RRBP1: variants seen among roughly 807,000 people sequenced by gnomAD.
The protein encoded by RRBP1 is ribosome binding protein 1.
A neutral mutation model predicts 165.2 loss-of-function variants in RRBP1; 94 were observed. That is an observed-to-expected ratio of 0.57 (90% CI 0.48 to 0.68). The LOEUF (loss-of-function observed/expected upper bound fraction) is 0.68, where lower values mean the gene tolerates loss of function less well. Ranked by LOEUF, RRBP1 falls within the 30% of genes least tolerant of loss-of-function variation. The probability of loss-of-function intolerance (pLI) is 0.00; values close to 1 mark genes in which losing one functional copy is unlikely to be tolerated. For missense variants in RRBP1, 1,676 were observed against 1,763.0 expected, an observed-to-expected ratio of 0.95 and a Z score of 0.88; for synonymous variants, 680 against 714.5, an observed-to-expected ratio of 0.95 and a Z score of 0.77.
chr20:17,654,207 G>A lies in RRBP1; in HGVS notation c.1912+4389C>T, dbSNP rs2036607965. 1.3e-5 allele frequency among the ~76,000 whole-genome samples: 2 copies of A among 152,194 alleles called. 1 individual carries two copies. Among genetic ancestry groups the A allele is most frequent in the Admixed American group, 1.3e-4 (2 of 15,288 alleles). On this transcript the variant is annotated intron_variant, in intron 3 of 24. Transcript: ENST00000377813. ...CCCTTCACAGTCTCCCTGTAGGAGA[G>A]CCTTTGTCATTCCAGGACTCAAATG... is the stretch of plus-strand genomic sequence containing the variant.
At chr20:17,649,654 G>A (rs997297922) in intron 3 of RRBP1, among the ~76,000 whole-genome samples, 2 of 152,058 alleles carry the variant, frequency 1.3e-5, no homozygotes, top group Admixed American at 6.6e-5. Context: ...TTGTTTAAGG[G>A]CCCTGCTACC....
intron 3 of RRBP1, among the ~76,000 whole-genome samples, chr20:17,650,118 G>C (rs2036529165): frequency 6.6e-6 from 1 of 151,732 alleles, no homozygotes; most frequent in Non-Finnish European, 1.5e-5. Context: ...ATGAGGGCCT[G>C]TTTATTTGAC....
At chr20:17,640,795 C>T (rs1600749233) in intron 5 of RRBP1, among the ~76,000 whole-genome samples, 1 of 152,190 alleles carries the variant, frequency 6.6e-6, no homozygotes, top group East Asian at 1.9e-4. Flanking sequence ...GTGAACTTCC[C>T]ATCTGGCTCA....
At chr20:17,626,139 T>A (rs1402587726) in intron 11 of RRBP1, among the ~76,000 whole-genome samples, 1 of 152,170 alleles carries the variant, frequency 6.6e-6, no homozygotes, top group Non-Finnish European at 1.5e-5. Flanking sequence ...CACATAACTT[T>A]CAGATCAACT....
At position 17,658,634 on chromosome 20, in the gene RRBP1, G is replaced by A; in HGVS notation, c.1874C>T (p.Ala625Val). 2 of 1,609,702 alleles carry A rather than the reference G, an allele frequency of 1.2e-6. No individual in the cohort carries two copies. Among genetic ancestry groups the A allele is most frequent in the South Asian group, 1.1e-5 (1 of 90,634 alleles). ...TTTCTTTGAACCAGACTTCTTCTTGGCAGGAGCCTCTTGCTTTGGTGCCTC... is the reference window on the plus strand; with the variant it reads ...TTTCTTTGAACCAGACTTCTTCTTGACAGGAGCCTCTTGCTTTGGTGCCTC... ...SPEAPKQEAP[A>V]KKKSGSKKKG... Residue 625 changes from alanine to valine, a missense_variant, in exon 3 of 25, where the codon GCC (alanine) becomes GTC (valine). By Grantham distance (64) the Ala-to-Val change is moderately conservative. Transcript: ENST00000377813.
intron 2 of RRBP1, 33 bp from the exon 3 acceptor site, chr20:17,660,561 GA>G (rs2036747288): frequency 8.3e-6 from 11 of 1,331,980 alleles, no homozygotes; most frequent in Non-Finnish European, 1.1e-5. Context: ...ACTATTTATA[GA>G]AATCAAGGCC....
At chr20:17,619,066 G>A (rs184128633) in intron 19 of RRBP1, 42 of 203,536 alleles carry the variant, frequency 2.1e-4, no homozygotes, top group Middle Eastern at 4.1e-3. Context: ...GGGAACGGAG[G>A]TGCCCACCAG....
Position 17,641,701 on chromosome 20 carries a change from C to T in RRBP1, c.2184+96G>A, listed in dbSNP as rs893443762. 8 of 1,466,134 alleles carry T rather than the reference C, an allele frequency of 5.5e-6. No homozygotes were observed. In the African/African-American group the frequency reaches 6.9e-5, roughly 13 times the overall value. 90.8% of individuals were successfully genotyped at this position (1,466,134 alleles called of 1,614,324 possible). A position where few individuals can be genotyped will look rare whatever the true frequency, so the allele number is the denominator to read the frequency against. On this transcript the variant is annotated intron_variant, in intron 5 of 24. Transcript: ENST00000377813. The stretch of plus-strand genomic sequence containing the variant: ...ACAGCCAGCTACGTTCCAGGCAGGC[C>T]CCAGCATCTCGGAGCCCGGGATCCA...
At chr20:17,628,190 C>T (rs533984543) in intron 9 of RRBP1, among the ~76,000 whole-genome samples, 16 of 152,270 alleles carry the variant, frequency 1.1e-4, no homozygotes, top group African/African-American at 3.1e-4. Flanking sequence ...CAGGTCACCT[C>T]AGACAGTCCC....
chr20:17,624,529 C>T, intron 13 of RRBP1, 47 bp downstream of exon 13: 1 of 1,294,016 alleles, frequency 7.7e-7, no homozygotes, highest in Non-Finnish European at 1.1e-6. Flanking sequence ...TTTGTGCATC[C>T]TAGTGCACTT....
chr20:17,665,496 C>G (rs145399680), intron 2 of RRBP1, among the ~76,000 whole-genome samples: 1 of 152,110 alleles, frequency 6.6e-6, no homozygotes, highest in African/African-American at 2.4e-5. Context: ...CTCAGGCTCC[C>G]GAGTAGCTGG....
chr20:17,631,974 T>G (rs2036158992), intron 8 of RRBP1, among the ~76,000 whole-genome samples: 1 of 152,242 alleles, frequency 6.6e-6, no homozygotes, highest in African/African-American at 2.4e-5. Flanking sequence ...GAGCTCTTTT[T>G]CTGAAAAGCA....
In RRBP1 at chr20:17,660,398, G is replaced by A. The variant is rs766065505; in HGVS notation, c.110C>T (p.Ser37Leu). ...LVSTFSMKET[S>L]YEEALANQRK... Reference sequence around the variant, plus strand: ...CTGGTTGGCTAGGGCTTCTTCATATGACGTTTCCTTCATGGAGAAAGTCGA... The same window carrying A: ...CTGGTTGGCTAGGGCTTCTTCATATAACGTTTCCTTCATGGAGAAAGTCGA... Residue 37 changes from serine to leucine, a missense_variant, in exon 3 of 25, where the codon TCA becomes TTA. Around this residue, in one of 5 missense-constraint regions of RRBP1, gnomAD observed 392 missense variants for 382.5 expected, o/e 1.02. Coordinates refer to ENST00000377813, the MANE Select transcript of RRBP1 (RefSeq NM_001365613.2). The A allele has an allele frequency of 6.2e-7, 1 of 1,614,042 alleles. No homozygotes were observed. Among genetic ancestry groups the A allele is most frequent in the East Asian group, 2.2e-5 (1 of 44,874 alleles).
Position 17,613,995 on chromosome 20 carries a change from C to A in RRBP1, c.*187G>T. 1 of 621,190 alleles carries A rather than the reference C, an allele frequency of 1.6e-6. No individual in the cohort carries two copies. Among genetic ancestry groups the A allele is most frequent in the Non-Finnish European group, 2.9e-6 (1 of 343,970 alleles). 38.5% of individuals were successfully genotyped at this position (621,190 alleles called of 1,614,324 possible). A position where few individuals can be genotyped will look rare whatever the true frequency, so the allele number is the denominator to read the frequency against. Reference sequence around the variant, plus strand: ...GTGTTTATCAAATGTGACACAGGTTCATTTACAAACTGGGGCTCTGGAAGG... The same window carrying A: ...GTGTTTATCAAATGTGACACAGGTTAATTTACAAACTGGGGCTCTGGAAGG... On this transcript the variant is annotated 3_prime_UTR_variant, in exon 25 of 25. Transcript: ENST00000377813.
rs758169836 is a variant in RRBP1 at position 17,660,037 on chromosome 20, C to T, written c.471G>A (p.Val157=). The stretch of plus-strand genomic sequence containing the variant: ...TCGAAGTGAGAACCTGGATGGAATT[C>T]ACTACAGAGCTGACAGCTGGTTCCA... ...AKVEPAVSSV[V]NSIQVLTSKA... Residue 157 remains valine (V), a synonymous_variant, in exon 3 of 25, where the codon GTG becomes GTA. Transcript: ENST00000377813. 1.2e-6 allele frequency: 2 copies of T among 1,613,358 alleles called. No homozygotes were observed. The highest frequency in any genetic ancestry group is 1.3e-5 in the African/African-American group (1 of 74,920).
At chr20:17,671,172 T>C (rs1237658050) in intron 2 of RRBP1, among the ~76,000 whole-genome samples, 2 of 152,216 alleles carry the variant, frequency 1.3e-5, no homozygotes, top group Admixed American at 6.5e-5. Flanking sequence ...TGCTAGGTCA[T>C]TGTATAGTTT....
intron 8 of RRBP1, among the ~76,000 whole-genome samples, chr20:17,632,804 G>A (rs2036176816): frequency 6.6e-6 from 1 of 152,198 alleles, no homozygotes. Context: ...CAAGGCCTCT[G>A]GGCTGGGAAA....
chr20:17,633,089 G>A (rs2036183362), intron 8 of RRBP1, among the ~76,000 whole-genome samples: 1 of 152,196 alleles, frequency 6.6e-6, no homozygotes, highest in Non-Finnish European at 1.5e-5. Context: ...CTTCTGCCAT[G>A]TCCTGGCTGG....
chr20:17,665,489 A>C (rs2036852569), intron 2 of RRBP1, among the ~76,000 whole-genome samples: 1 of 152,190 alleles, frequency 6.6e-6, no homozygotes, highest in African/African-American at 2.4e-5. Context: ...CTTGTGCCTC[A>C]GGCTCCCGAG....
Sources: allele counts gnomAD v4.1 joint callset (sites outside exome capture counted in the v4.1 genomes callset), GRCh38; gene constraint gnomAD v4.1.1; regional missense constraint gnomAD v4.1.1; transcripts MANE v1.5; gene names NCBI Gene and HGNC (gene_info 2026-07-23, HGNC 2026-07-21).